The following KCNMB2 variants were observed in gnomAD, a reference collection of about 807,000 sequenced individuals.
KCNMB2 encodes calcium-activated potassium channel subunit beta-2.
KCNMB2 carries 9 observed loss-of-function variants against 24.5 expected under a neutral mutation model. That is an observed-to-expected ratio of 0.37 (90% CI 0.22 to 0.64). KCNMB2 has a LOEUF of 0.64. Among genes scored for constraint, KCNMB2 ranks in the 30% least tolerant of loss-of-function variants. The probability of loss-of-function intolerance (pLI) is 0.63; values close to 1 mark genes in which losing one functional copy is unlikely to be tolerated. For synonymous variants in KCNMB2, 109 were observed against 104.4 expected (o/e 1.04, Z -0.27); for missense variants, 226 against 284.3 (o/e 0.79, Z 1.47).
At chr3:178,793,519 G>T (rs1460958588) in intron 1 of KCNMB2, among the ~76,000 whole-genome samples, 1 of 149,012 alleles carries the variant, frequency 6.7e-6, no homozygotes, top group East Asian at 1.9e-4. Flanking sequence ...CACCCTGGGG[G>T]GGTGGGCAAT....
At chr3:178,715,307 G>A (rs565205698) in intron 1 of KCNMB2, among the ~76,000 whole-genome samples, 5 of 151,710 alleles carry the variant, frequency 3.3e-5, no homozygotes, top group Middle Eastern at 3.4e-3. Flanking sequence ...GAACAGATCC[G>A]AAAGAGCAGT....
chr3:178,652,936 T>C (rs958408600), intron 1 of KCNMB2, among the ~76,000 whole-genome samples: 2 of 152,136 alleles, frequency 1.3e-5, no homozygotes, highest in Non-Finnish European at 2.9e-5. Context: ...GTGCTGAGAT[T>C]ACAGGCGTGA....
chr3:178,557,441 G>A lies in KCNMB2; in HGVS notation c.-68+20730G>A, dbSNP rs77065057. 6.7e-3 allele frequency among the ~76,000 whole-genome samples: 1,013 copies of A among 152,242 alleles called. 19 individuals carry two copies. The highest frequency in any genetic ancestry group is 0.023 in the African/African-American group (952 of 41,524). On this transcript the variant is annotated intron_variant, in intron 1 of 4. Transcript: ENST00000452583. ...ATGGCTTCGAACTGAGAAAGTAGAA[G>A]GTGAGATGCTTACATTGAGGGTGCA...
intron 1 of KCNMB2, among the ~76,000 whole-genome samples, chr3:178,556,379 A>G (rs1716123989): frequency 6.6e-6 from 1 of 152,050 alleles, no homozygotes; most frequent in Admixed American, 6.5e-5. Flanking sequence ...TGCTTTGGAG[A>G]CTCATAGAAC....
chr3:178,621,668 T>C (rs2108527651), intron 1 of KCNMB2, among the ~76,000 whole-genome samples: 1 of 152,304 alleles, frequency 6.6e-6, no homozygotes, highest in South Asian at 2.1e-4. Context: ...ATATTTACTA[T>C]GCATTTGTGA....
intron 1 of KCNMB2, among the ~76,000 whole-genome samples, chr3:178,628,903 T>C (rs953572464): frequency 6.6e-6 from 1 of 152,318 alleles, no homozygotes; most frequent in Non-Finnish European, 1.5e-5. Context: ...AAATTGCTCA[T>C]GTCCCAAGAG....
At chr3:178,841,165 G>A (rs1304226687) in intron 4 of KCNMB2, among the ~76,000 whole-genome samples, 2 of 152,176 alleles carry the variant, frequency 1.3e-5, no homozygotes, top group African/African-American at 2.4e-5. Context: ...GGGACAAAAT[G>A]CTGCTAATCT....
intron 1 of KCNMB2, among the ~76,000 whole-genome samples, chr3:178,723,229 T>C (rs540678594): frequency 4.3e-4 from 65 of 152,240 alleles, no homozygotes; most frequent in Non-Finnish European, 6.9e-4. Flanking sequence ...GTATAAAATA[T>C]AGAATCAGAT....
intron 4 of KCNMB2, among the ~76,000 whole-genome samples, chr3:178,833,063 A>AGT (rs2108473337): frequency 1.3e-4 from 3 of 22,946 alleles, no homozygotes; most frequent in East Asian, 3.3e-4. Context: ...AATTATTTCC[A>AGT]CTTACTTCTG....
At chr3:178,780,053 T>TAAAAA (rs11406849) in intron 1 of KCNMB2, among the ~76,000 whole-genome samples, 1 of 134,022 alleles carries the variant, frequency 7.5e-6, no homozygotes, top group Non-Finnish European at 1.6e-5. Context: ...TTGTTTTTTT[T>TAAAAA]AAAAAAAAAA....
At chr3:178,826,472 G>A (rs1170319265) in intron 3 of KCNMB2, among the ~76,000 whole-genome samples, 1 of 152,140 alleles carries the variant, frequency 6.6e-6, no homozygotes, top group African/African-American at 2.4e-5. Flanking sequence ...GTATTGAATG[G>A]ATAGGGAGGC....
rs146313415 is a variant in KCNMB2 at position 178,677,347 on chromosome 3, G to A, written c.-67-129996G>A. Among the ~76,000 whole-genome samples the A allele has an allele frequency of 1.3e-3, 197 of 152,214 alleles. 4 individuals carry two copies. The highest frequency in any genetic ancestry group is 4.6e-3 in the African/African-American group (192 of 41,550). On this transcript the variant is annotated intron_variant, in intron 1 of 4. Coordinates refer to ENST00000452583, the MANE Select transcript of KCNMB2 (RefSeq NM_181361.3). ...TACATGGAGGACAATTTTAGACTGT[G>A]AACAACCAAAGAAATGATGAATATG...
chr3:178,608,899 A>T (rs1012315060), intron 1 of KCNMB2, among the ~76,000 whole-genome samples: 1 of 152,188 alleles, frequency 6.6e-6, no homozygotes, highest in African/African-American at 2.4e-5. Context: ...GTTGATGGAC[A>T]CTTAGGTTGC....
chr3:178,753,331 GC>G (rs1467213544), intron 1 of KCNMB2, among the ~76,000 whole-genome samples: 1 of 152,200 alleles, frequency 6.6e-6, no homozygotes, highest in East Asian at 1.9e-4. Flanking sequence ...CTGGAGTCAG[GC>G]TGCTTGGGAT....
intron 1 of KCNMB2, among the ~76,000 whole-genome samples, chr3:178,551,586 A>C (rs1450887189): frequency 6.6e-6 from 1 of 152,254 alleles, no homozygotes; most frequent in African/African-American, 2.4e-5. Context: ...GCCACTGCTA[A>C]CAAGTCCTTA....
chr3:178,589,175 G>A (rs575447873), intron 1 of KCNMB2, among the ~76,000 whole-genome samples: 13 of 152,270 alleles, frequency 8.5e-5, no homozygotes, highest in South Asian at 2.1e-4. Flanking sequence ...TTACCCCAGC[G>A]TTCTAACAGC....
intron 1 of KCNMB2, among the ~76,000 whole-genome samples, chr3:178,677,579 C>A (rs1333447405): frequency 6.6e-6 from 1 of 152,246 alleles, no homozygotes; most frequent in African/African-American, 2.4e-5. Flanking sequence ...ATGTGTTTCA[C>A]TTCCCAGCCT....
chr3:178,735,294 G>A (rs920853263), intron 1 of KCNMB2, among the ~76,000 whole-genome samples: 1 of 152,130 alleles, frequency 6.6e-6, no homozygotes. Context: ...AGATGGCCTG[G>A]ATCACAGTTC....
chr3:178,569,304 T>C (rs779670741), intron 1 of KCNMB2, among the ~76,000 whole-genome samples: 5 of 152,140 alleles, frequency 3.3e-5, no homozygotes, highest in Non-Finnish European at 7.4e-5. Flanking sequence ...CCCCACACGA[T>C]CATGGTGGCT....
Sources: gnomAD v4.1 joint callset for allele counts (sites outside exome capture counted in the v4.1 genomes callset) on GRCh38, gnomAD v4.1.1 for gene constraint, MANE v1.5 for transcripts, NCBI Gene and HGNC (gene_info 2026-07-23, HGNC 2026-07-21) for gene names.